The following CDC25C variants were observed in gnomAD, a reference collection of about 807,000 sequenced individuals.
The protein encoded by CDC25C is M-phase inducer phosphatase 3.
A neutral mutation model predicts 52.5 loss-of-function variants in CDC25C; 48 were observed. That is an observed-to-expected ratio of 0.91 (90% CI 0.72 to 1.16). The LOEUF is 1.16. CDC25C is among the 50% of genes most tolerant of loss of function. CDC25C has a pLI of 0.00. For synonymous variants in CDC25C, 187 were observed against 206.5 expected, an observed-to-expected ratio of 0.91 and a Z score of 0.81; for missense variants, 510 against 566.1, an observed-to-expected ratio of 0.90 and a Z score of 1.01.
At chr5:138,320,161 C>T (rs1759242419) in intron 6 of CDC25C, among the ~76,000 whole-genome samples, 1 of 151,854 alleles carries the variant, frequency 6.6e-6, no homozygotes, top group Admixed American at 6.6e-5. Context: ...AAAAATTAGC[C>T]GGGCATGGTA....
chr5:138,313,992 TTTC>T (rs748069841), intron 7 of CDC25C, among the ~76,000 whole-genome samples: 2,262 of 108,694 alleles, frequency 0.021, 28 homozygotes, highest in Non-Finnish European at 0.031. Context: ...TCTTTCTTTC[TTTC>T]TTTTTTTTTT....
intron 6 of CDC25C, among the ~76,000 whole-genome samples, chr5:138,322,726 C>A (rs570036336): frequency 1.3e-5 from 2 of 149,722 alleles, no homozygotes; most frequent in Non-Finnish European, 3.0e-5. Context: ...CCGCCCACCT[C>A]GGCCTCCCAA....
intron 8 of CDC25C, among the ~76,000 whole-genome samples, chr5:138,291,703 G>C (rs1033390715): frequency 6.6e-6 from 1 of 151,702 alleles, no homozygotes; most frequent in Non-Finnish European, 1.5e-5. Context: ...ATAGGCGTGA[G>C]CCACTGCACC....
At position 138,286,577 on chromosome 5, in the gene CDC25C, C is replaced by T; in HGVS notation, c.1080G>A (p.Lys360=). The T allele has an allele frequency of 1.2e-6, 2 of 1,613,850 alleles. No homozygotes were observed. The highest frequency in any genetic ancestry group is 2.2e-5 in the South Asian group (2 of 91,062). ...TCTGGGTGTCCAAAGGGACGATGGG[C>T]TTCTTCAGAAAGAAGTTAAACAGTT... ...QEELFNFFLK[K]PIVPLDTQKR... Residue 360 remains lysine, a synonymous_variant, in exon 12 of 14, where the codon AAG becomes AAA. Coordinates refer to ENST00000323760, the MANE Select transcript of CDC25C (RefSeq NM_001790.5).
intron 7 of CDC25C, among the ~76,000 whole-genome samples, chr5:138,305,486 T>C (rs990918929): frequency 6.6e-6 from 1 of 152,294 alleles, no homozygotes; most frequent in Middle Eastern, 3.4e-3. Flanking sequence ...ACTGTAGCCT[T>C]GAACTGCTAG....
chr5:138,308,891 C>T (rs2126744083), intron 7 of CDC25C, among the ~76,000 whole-genome samples: 1 of 152,152 alleles, frequency 6.6e-6, no homozygotes, highest in South Asian at 2.1e-4. Context: ...ATGGGTATCA[C>T]ACCTTACCTC....
exon 1 of CDC25C, chr5:138,338,270 C>G (rs757076126): frequency 1.3e-5 from 13 of 963,430 alleles, no homozygotes; most frequent in African/African-American, 8.4e-5. Flanking sequence ...GCGCTCAGAG[C>G]TGCTCCGGCC....
chr5:138,330,597 T>A (rs1207239239), intron 2 of CDC25C, among the ~76,000 whole-genome samples: 1 of 152,116 alleles, frequency 6.6e-6, no homozygotes, highest in African/African-American at 2.4e-5. Flanking sequence ...AGCCTCCACC[T>A]CCCGGGCTCA....
chr5:138,329,424 C>T, intron 3 of CDC25C, 129 bp downstream of exon 3: 1 of 618,958 alleles, frequency 1.6e-6, no homozygotes. Flanking sequence ...CTCTAGTTAC[C>T]CACAAAATTC....
At chr5:138,328,613 G>T in intron 3 of CDC25C, 84 bp from the exon 4 acceptor site, 1 of 1,118,196 alleles carries the variant, frequency 8.9e-7, no homozygotes, top group Non-Finnish European at 1.4e-6. Context: ...TTCATTACCA[G>T]TAAGCCGTAT....
In CDC25C at chr5:138,324,772, A is replaced by G. The variant is rs149612725; in HGVS notation, c.459+1043T>C. Among the ~76,000 whole-genome samples, 73 of 151,692 alleles carry G rather than the reference A, an allele frequency of 4.8e-4. 1 individual carries two copies. The highest frequency in any genetic ancestry group is 5.8e-4 in the East Asian group (3 of 5,156). On this transcript the variant is annotated intron_variant, in intron 6 of 13. Coordinates refer to ENST00000323760, the MANE Select transcript of CDC25C (RefSeq NM_001790.5). ...AAACTCTGTCTCACCAAAAAAAAAG[A>G]AAAAAAAGTGATTATAGGCCAGGCA...
chr5:138,291,876 A>C (rs1756748681), intron 8 of CDC25C, 94 bp downstream of exon 8: 1 of 970,938 alleles, frequency 1.0e-6, no homozygotes, highest in Non-Finnish European at 1.5e-6. Flanking sequence ...AAGAGGAAGA[A>C]GACAAAAAAG....
At chr5:138,330,964 TG>T (rs1454724192) in intron 2 of CDC25C, 22 bp downstream of exon 2, 1 of 1,485,410 alleles carries the variant, frequency 6.7e-7, no homozygotes, top group Non-Finnish European at 9.4e-7. Flanking sequence ...GGCAATACAG[TG>T]TAAAAATAAA....
At chr5:138,308,019 G>A (rs545667244) in intron 7 of CDC25C, among the ~76,000 whole-genome samples, 15 of 152,140 alleles carry the variant, frequency 9.9e-5, no homozygotes, top group Non-Finnish European at 1.8e-4. Flanking sequence ...AAAAGAGTTT[G>A]CCTCCTATGA....
chr5:138,334,980 T>C (rs1760613437), upstream of CDC25C: 1 of 152,382 alleles, frequency 6.6e-6, no homozygotes, highest in East Asian at 1.9e-4. Flanking sequence ...GCATTGATCC[T>C]ATGTCATCCT....
At position 138,287,264 on chromosome 5, in the gene CDC25C, C is replaced by G; in HGVS notation, c.931G>C (p.Ala311Pro). Residue 311 changes from alanine to proline, a missense_variant, in exon 11 of 14, where the codon GCT (alanine) becomes CCT (proline). Ala to Pro is a conservative substitution (Grantham distance 27, BLOSUM62 -1). Coordinates refer to ENST00000323760, the MANE Select transcript of CDC25C (RefSeq NM_001790.5). The stretch of plus-strand genomic sequence containing the variant: ...TGGAACTTCCCCGACAGTAAGGCAG[C>G]CACCTGGACAGAAACAATGACTGAA... ...DLKYVNPETVAALLSGKFQGL... is the reference protein window; with the variant it reads ...DLKYVNPETVPALLSGKFQGL... 3 of 1,611,264 alleles carry G rather than the reference C, an allele frequency of 1.9e-6. No homozygotes were observed. The highest frequency in any genetic ancestry group is 2.5e-6 in the Non-Finnish European group (3 of 1,177,430).
chr5:138,322,159 G>A (rs1759464843), intron 6 of CDC25C, among the ~76,000 whole-genome samples: 1 of 151,586 alleles, frequency 6.6e-6, no homozygotes, highest in Non-Finnish European at 1.5e-5. Flanking sequence ...CCGCCACCAC[G>A]ACTGGCTAAT....
chr5:138,292,975 G>A (rs1005505600), intron 7 of CDC25C, among the ~76,000 whole-genome samples: 1 of 152,192 alleles, frequency 6.6e-6, no homozygotes, highest in African/African-American at 2.4e-5. Flanking sequence ...ACTGATTTAG[G>A]AGGGGGGCTA....
chr5:138,296,669 G>A (rs897781081), intron 7 of CDC25C, among the ~76,000 whole-genome samples: 1 of 150,260 alleles, frequency 6.7e-6, no homozygotes, highest in African/African-American at 2.4e-5. Context: ...GCAGTGGCGC[G>A]ATCTCGGCTC....
Sources: gnomAD v4.1 joint callset for allele counts (sites outside exome capture counted in the v4.1 genomes callset) on GRCh38, gnomAD v4.1.1 for gene constraint, MANE v1.5 for transcripts, NCBI Gene and HGNC (gene_info 2026-07-23, HGNC 2026-07-21) for gene names.